KCNMA1: variants seen among roughly 807,000 people sequenced by gnomAD.
The protein encoded by KCNMA1 is potassium calcium-activated channel subfamily M alpha 1.
KCNMA1 carries 29 observed loss-of-function variants against 140.0 expected under a neutral mutation model. That is an observed-to-expected ratio of 0.21 (90% CI 0.15 to 0.28). The LOEUF is 0.28. Among genes scored for constraint, KCNMA1 ranks in the 10% least tolerant of loss-of-function variants. KCNMA1 has a pLI of 1.00. For missense variants in KCNMA1, 880 were observed against 1,602.2 expected, an observed-to-expected ratio of 0.55 and a Z score of 7.70; for synonymous variants, 612 against 611.9, an observed-to-expected ratio of 1.00 and a Z score of 0.00.
Position 77,234,068 on chromosome 10 carries a change from C to T in KCNMA1, c.602+17127G>A, listed in dbSNP as rs553291364. Among the ~76,000 whole-genome samples the T allele has an allele frequency of 3.3e-5, 5 of 152,102 alleles. No homozygotes were observed. The East Asian group carries it at 7.7e-4, about 24-fold the overall frequency. ...TCTCAAAGTATTACTTATATTAATCCTACTTTAAAATGATGGTGGTATATT... is the reference window on the plus strand; with the variant it reads ...TCTCAAAGTATTACTTATATTAATCTTACTTTAAAATGATGGTGGTATATT... On this transcript the variant is annotated intron_variant, in intron 3 of 27. Transcript: ENST00000286628.
chr10:77,076,894 G>A (rs1247371682), intron 13 of KCNMA1, among the ~76,000 whole-genome samples: 9 of 152,080 alleles, frequency 5.9e-5, no homozygotes, highest in Admixed American at 3.9e-4. Context: ...CAAGCCCGTT[G>A]TCCAATTATG....
intron 2 of KCNMA1, among the ~76,000 whole-genome samples, chr10:77,400,147 C>G (rs534507869): frequency 3.2e-4 from 48 of 152,332 alleles, no homozygotes; most frequent in African/African-American, 1.1e-3. Context: ...GGGTTCTGAA[C>G]AGGCAGTGCT....
chr10:77,495,768 G>A (rs2041686887), intron 1 of KCNMA1, among the ~76,000 whole-genome samples: 1 of 152,186 alleles, frequency 6.6e-6, no homozygotes, highest in Non-Finnish European at 1.5e-5. Context: ...CAAGGGGTGG[G>A]CAAAAGAGGA....
chr10:77,005,619 G>A (rs2088234062), intron 18 of KCNMA1, among the ~76,000 whole-genome samples: 1 of 152,116 alleles, frequency 6.6e-6, no homozygotes, highest in South Asian at 2.1e-4. Flanking sequence ...ATTGGACCAG[G>A]GCCATGGATT....
rs941421234 is a variant in KCNMA1, at chr10:76,949,129, A to G, written c.2709+13T>C. 3 of 1,578,042 alleles carry G rather than the reference A, an allele frequency of 1.9e-6. No individual in the cohort carries two copies. In the African/African-American group the frequency reaches 4.0e-5, roughly 21 times the overall value. On this transcript the variant is annotated intron_variant, in intron 22 of 27. Transcript: ENST00000286628. ...AAGAAGAAAAGGCATCAATAATGTG[A>G]CCTTGGACTTACAGGCAATATGGAC...
chr10:76,913,730 C>T (rs1053875657), intron 24 of KCNMA1: 11 of 266,348 alleles, frequency 4.1e-5, no homozygotes, highest in East Asian at 1.5e-4. Context: ...AGGGAGAAGG[C>T]GGGAGAGCGG....
chr10:77,495,270 C>T (rs893390616), intron 1 of KCNMA1, among the ~76,000 whole-genome samples: 22 of 152,318 alleles, frequency 1.4e-4, no homozygotes, highest in Admixed American at 1.4e-3. Context: ...CCCCACGTTA[C>T]CCCAGCCCAG....
intron 23 of KCNMA1, among the ~76,000 whole-genome samples, chr10:76,928,625 C>T (rs923132905): frequency 3.9e-5 from 6 of 152,072 alleles, no homozygotes; most frequent in African/African-American, 9.7e-5. Context: ...TATCTTTAGG[C>T]AACTATAAGG....
intron 13 of KCNMA1, among the ~76,000 whole-genome samples, chr10:77,073,939 A>C (rs750223721): frequency 2.6e-5 from 4 of 152,204 alleles, no homozygotes; most frequent in Non-Finnish European, 5.9e-5. Flanking sequence ...AGGCCCTGAG[A>C]CAAGAACCCA....
intron 25 of KCNMA1, among the ~76,000 whole-genome samples, chr10:76,894,096 A>C (rs1010906099): frequency 6.6e-6 from 1 of 152,240 alleles, no homozygotes; most frequent in African/African-American, 2.4e-5. Flanking sequence ...ACAAGACTAT[A>C]GTAATCAAGA....
At chr10:76,920,908 T>C (rs2055490194) in intron 23 of KCNMA1, among the ~76,000 whole-genome samples, 1 of 152,226 alleles carries the variant, frequency 6.6e-6, no homozygotes, top group Non-Finnish European at 1.5e-5. Flanking sequence ...TAACTTGCTT[T>C]GGTATGGCAG....
At chr10:77,286,394 G>A (rs568343508) in intron 2 of KCNMA1, among the ~76,000 whole-genome samples, 1 of 152,286 alleles carries the variant, frequency 6.6e-6, no homozygotes, top group South Asian at 2.1e-4. Context: ...TAAAGAGAAT[G>A]TAAAAGAAAA....
chr10:77,327,955 A>G (rs989011272), intron 2 of KCNMA1, among the ~76,000 whole-genome samples: 36 of 152,194 alleles, frequency 2.4e-4, no homozygotes, highest in Non-Finnish European at 4.7e-4. Flanking sequence ...CACAAAGCAC[A>G]CAAATAGGCA....
chr10:77,342,937 G>C (rs552334488), intron 2 of KCNMA1, among the ~76,000 whole-genome samples: 2 of 152,314 alleles, frequency 1.3e-5, no homozygotes, highest in South Asian at 4.1e-4. Context: ...AAGGACAGAA[G>C]CTTGAGGGGC....
chr10:77,159,291 T>A (rs2098527791), intron 5 of KCNMA1, among the ~76,000 whole-genome samples: 1 of 152,210 alleles, frequency 6.6e-6, no homozygotes, highest in Admixed American at 6.5e-5. Context: ...AATAGCCAAG[T>A]AACATCATCC....
At chr10:77,287,255 G>T (rs867083019) in intron 2 of KCNMA1, among the ~76,000 whole-genome samples, 4 of 152,202 alleles carry the variant, frequency 2.6e-5, no homozygotes, top group Non-Finnish European at 4.4e-5. Flanking sequence ...AGCAACTGCT[G>T]CTGCTTCACA....
At chr10:77,571,447 G>A (rs565263893) in intron 1 of KCNMA1, among the ~76,000 whole-genome samples, 1 of 152,260 alleles carries the variant, frequency 6.6e-6, no homozygotes, top group South Asian at 2.1e-4. Context: ...GGTCACCCAG[G>A]CAGTACAAAT....
chr10:77,024,996 G>A, intron 16 of KCNMA1, among the ~76,000 whole-genome samples: 1 of 151,820 alleles, frequency 6.6e-6, no homozygotes, highest in Non-Finnish European at 1.5e-5. Flanking sequence ...GAGTGCAATG[G>A]ACATCAAGAC....
At chr10:77,633,640 A>C (rs967437278) in intron 1 of KCNMA1, among the ~76,000 whole-genome samples, 3 of 152,208 alleles carry the variant, frequency 2.0e-5, no homozygotes, top group African/African-American at 7.2e-5. Context: ...ATTAGTCACG[A>C]GCCTGACAGA....
Sources: gnomAD v4.1 joint callset for allele counts (sites outside exome capture counted in the v4.1 genomes callset) on GRCh38, gnomAD v4.1.1 for gene constraint, MANE v1.5 for transcripts, NCBI Gene and HGNC (gene_info 2026-07-23, HGNC 2026-07-21) for gene names.